CACNA1D: variants seen among roughly 807,000 people sequenced by gnomAD.
CACNA1D encodes the protein calcium voltage-gated channel subunit alpha1 D, also known as voltage-dependent L-type calcium channel subunit alpha-1D.
Under a neutral mutation model 257.1 loss-of-function variants are expected in CACNA1D, and 55 were observed. The observed-to-expected ratio is 0.21, with a 90% CI of 0.17 to 0.27. The LOEUF is 0.27. Among genes scored for constraint, CACNA1D ranks in the 10% least tolerant of loss-of-function variants. The probability of loss-of-function intolerance (pLI) is 1.00; values close to 1 mark genes in which losing one functional copy is unlikely to be tolerated. For missense variants in CACNA1D, 1,876 were observed against 2,784.0 expected (o/e 0.67, Z 7.34); for synonymous variants, 980 against 1,014.9 (o/e 0.97, Z 0.65).
chr3:53,597,656 G>A (rs753290648), intron 3 of CACNA1D, among the ~76,000 whole-genome samples: 1 of 152,146 alleles, frequency 6.6e-6, no homozygotes, highest in Admixed American at 6.5e-5. Flanking sequence ...CTAGGGCTAG[G>A]CTGATGCTGG....
chr3:53,507,088 A>C lies in CACNA1D; in HGVS notation c.483+5368A>C, dbSNP rs536179781. ...ACTCTATCTCAAAAAAAAAAAAAAA[A>C]AAAAACAAAAAAATGTGGTAGAAGG... is the stretch of plus-strand genomic sequence containing the variant. On this transcript the variant is annotated intron_variant, in intron 3 of 47. Coordinates refer to ENST00000350061, the MANE Select transcript of CACNA1D (RefSeq NM_001128840.3). Among the ~76,000 whole-genome samples, 123 of 151,204 alleles carry C rather than the reference A, an allele frequency of 8.1e-4. 2 individuals carry two copies. The highest frequency in any genetic ancestry group is 1.1e-3 in the Non-Finnish European group (75 of 67,738).
chr3:53,611,615 C>T (rs2093584324), intron 3 of CACNA1D, among the ~76,000 whole-genome samples: 1 of 151,988 alleles, frequency 6.6e-6, no homozygotes, highest in African/African-American at 2.4e-5. Flanking sequence ...TGCTTCTACC[C>T]CTCTGCCCAG....
intron 40 of CACNA1D, among the ~76,000 whole-genome samples, chr3:53,790,528 G>C (rs950395363): frequency 1.3e-5 from 2 of 152,244 alleles, no homozygotes; most frequent in Non-Finnish European, 2.9e-5. Context: ...GCTTTGGAGG[G>C]ATAGTCCTTT....
At chr3:53,627,309 G>T (rs2093770252) in intron 3 of CACNA1D, among the ~76,000 whole-genome samples, 1 of 152,190 alleles carries the variant, frequency 6.6e-6, no homozygotes, top group Non-Finnish European at 1.5e-5. Flanking sequence ...CCACCCTGTG[G>T]GGCCCACTTA....
rs1180805004 is a variant in CACNA1D at position 53,695,584 on chromosome 3, G to A, written c.1221-7057G>A. The stretch of plus-strand genomic sequence containing the variant: ...TTACACTGGTGTGCTAGACCCAGGG[G>A]ACTGGTGTGGAAAGGGCAGAGGTGA... On this transcript the variant is annotated intron_variant, in intron 8 of 47. Transcript: ENST00000350061. Among the ~76,000 whole-genome samples, 3 of 152,226 alleles carry A rather than the reference G, an allele frequency of 2.0e-5. No homozygotes were observed. In the East Asian group the frequency reaches 5.8e-4, roughly 29 times the overall value.
chr3:53,682,659 G>A (rs1306633363), intron 8 of CACNA1D, among the ~76,000 whole-genome samples: 3 of 152,062 alleles, frequency 2.0e-5, no homozygotes, highest in Non-Finnish European at 4.4e-5. Context: ...CTACTTTTAT[G>A]GATGTTTGAA....
At chr3:53,706,324 A>G (rs2094688797) in intron 9 of CACNA1D, among the ~76,000 whole-genome samples, 1 of 152,220 alleles carries the variant, frequency 6.6e-6, no homozygotes, top group Non-Finnish European at 1.5e-5. Flanking sequence ...CATTAATAAC[A>G]GCAGATGTCT....
intron 3 of CACNA1D, among the ~76,000 whole-genome samples, chr3:53,645,882 G>A (rs879816201): frequency 5.9e-5 from 9 of 152,176 alleles, no homozygotes; most frequent in Non-Finnish European, 1.3e-4. Flanking sequence ...GGAACAGGAT[G>A]TGGAATGGTT....
Position 53,775,942 on chromosome 3 carries a change from T to A in CACNA1D, c.4259T>A (p.Leu1420His), listed in dbSNP as rs368912615. ...ATGCTGGCCTGTCTCCCAGGGAAGC[T>A]CTGTGACCCTGAGTCAGATTACAAC... ...EIMLACLPGK[L>H]CDPESDYNPG... Residue 1420 changes from leucine (L) to histidine (H), a missense_variant, in exon 35 of 48, where the codon CTC (leucine) becomes CAC (histidine). Leu to His is a moderately conservative substitution (Grantham distance 99). Coordinates refer to ENST00000350061, the MANE Select transcript of CACNA1D (RefSeq NM_001128840.3). 1 of 1,614,048 alleles carries A rather than the reference T, an allele frequency of 6.2e-7. No individual in the cohort carries two copies. The highest frequency in any genetic ancestry group is 1.3e-5 in the African/African-American group (1 of 75,050).
intron 3 of CACNA1D, among the ~76,000 whole-genome samples, chr3:53,555,544 C>G (rs2092629031): frequency 1.4e-5 from 2 of 141,364 alleles, no homozygotes; most frequent in Non-Finnish European, 3.0e-5. Flanking sequence ...AAAGAGAGAT[C>G]TAGGACTTTC....
intron 40 of CACNA1D, among the ~76,000 whole-genome samples, chr3:53,795,648 T>C (rs993459000): frequency 6.6e-6 from 1 of 152,240 alleles, no homozygotes; most frequent in African/African-American, 2.4e-5. Context: ...TTACAGCTTC[T>C]GCTAAGCCTA....
chr3:53,781,096 T>A (rs188773954), intron 38 of CACNA1D, among the ~76,000 whole-genome samples: 34 of 152,308 alleles, frequency 2.2e-4, no homozygotes, highest in Admixed American at 9.2e-4. Flanking sequence ...AAGTGTCAGC[T>A]CATATAATAA....
At chr3:53,778,638 T>G (rs1055799541) in intron 37 of CACNA1D, among the ~76,000 whole-genome samples, 1 of 152,250 alleles carries the variant, frequency 6.6e-6, no homozygotes, top group Non-Finnish European at 1.5e-5. Context: ...CCGTGAGTCC[T>G]TTAATCCTTG....
At chr3:53,717,419 T>C (rs922996739) in intron 9 of CACNA1D, among the ~76,000 whole-genome samples, 9 of 152,186 alleles carry the variant, frequency 5.9e-5, no homozygotes, top group African/African-American at 1.7e-4. Flanking sequence ...GTGTTCGTGA[T>C]GTTTATGGGG....
At chr3:53,810,780 A>AAC (rs2095595757) in intron 47 of CACNA1D, among the ~76,000 whole-genome samples, 4 of 131,978 alleles carry the variant, frequency 3.0e-5, no homozygotes, top group Admixed American at 8.0e-5. Context: ...AAAAAAAAAA[A>AAC]AAAAAACAAA....
chr3:53,583,941 C>T (rs1329009905), intron 3 of CACNA1D, among the ~76,000 whole-genome samples: 1 of 152,158 alleles, frequency 6.6e-6, no homozygotes, highest in African/African-American at 2.4e-5. Flanking sequence ...TGACTTTCTA[C>T]AGTCACAAGC....
chr3:53,691,890 A>ATT lies in CACNA1D; in HGVS notation c.1221-10750_1221-10749insTT, dbSNP rs2094531198. ...ATATATATTACATATAATATATATT[A>ATT]TATATATTACATATATTATATATAA... On this transcript the variant is annotated intron_variant, in intron 8 of 47. Transcript: ENST00000350061. Among the ~76,000 whole-genome samples, 6 of 101,216 alleles carry ATT rather than the reference A, an allele frequency of 5.9e-5. 1 individual carries two copies. The South Asian group carries it at 1.9e-3, about 31-fold the overall frequency. 66.4% of individuals were successfully genotyped at this position (101,216 alleles called of 152,430 possible).
At chr3:53,663,328 A>G (rs1432887092) in intron 5 of CACNA1D, among the ~76,000 whole-genome samples, 4 of 152,094 alleles carry the variant, frequency 2.6e-5, no homozygotes, top group Non-Finnish European at 4.4e-5. Context: ...AGAAGATGGA[A>G]AGTTTGAAGG....
chr3:53,580,812 C>A, intron 3 of CACNA1D, among the ~76,000 whole-genome samples: 1 of 152,206 alleles, frequency 6.6e-6, no homozygotes, highest in Admixed American at 6.5e-5. Context: ...TGTATGTCTT[C>A]ATCAAAGTTT....
Sources: gnomAD v4.1 joint callset for allele counts (sites outside exome capture counted in the v4.1 genomes callset) on GRCh38, gnomAD v4.1.1 for gene constraint, MANE v1.5 for transcripts, NCBI Gene and HGNC (gene_info 2026-07-23, HGNC 2026-07-21) for gene names.